The following ACOT9 variants were observed in gnomAD, a reference collection of about 807,000 sequenced individuals.
The protein encoded by ACOT9 is acyl-CoA thioesterase 9, also known as acyl-coenzyme A thioesterase 9, mitochondrial.
ACOT9 carries 34 observed loss-of-function variants against 39.7 expected under a neutral mutation model. The ratio of observed to expected loss-of-function variants is 0.86; its 90% CI spans 0.65 to 1.14. The LOEUF (loss-of-function observed/expected upper bound fraction) is 1.14, where lower values mean the gene tolerates loss of function less well. ACOT9 is among the 50% of genes most tolerant of loss of function. ACOT9 has a pLI of 0.00. For synonymous variants in ACOT9, 110 were observed against 120.5 expected, an observed-to-expected ratio of 0.91 and a Z score of 0.57; for missense variants, 313 against 344.1, an observed-to-expected ratio of 0.91 and a Z score of 0.71.
chrX:23,737,527 A>C (rs1929982460), intron 1 of ACOT9, among the ~76,000 whole-genome samples: 1 of 112,211 alleles, frequency 8.9e-6, no homozygotes, highest in Non-Finnish European at 1.9e-5. Flanking sequence ...AAAGCCTCTC[A>C]GTATTTACAG....
chrX:23,705,599 A>G lies in ACOT9; in HGVS notation c.934-5T>C. 1.7e-6 allele frequency: 2 copies of G among 1,203,923 alleles called. No homozygotes were observed. Among genetic ancestry groups the G allele is most frequent in the Non-Finnish European group, 2.2e-6 (2 of 889,717 alleles). On this transcript the variant is annotated splice_polypyrimidine_tract_variant and splice_region_variant and intron_variant, in intron 12 of 15. Coordinates refer to ENST00000379303, the MANE Select transcript of ACOT9 (RefSeq NM_001037171.2). ...CCGATTGAAAATGTTCCGCTCCTAC[A>G]GGACATAAATAAATATCAATAAATA... is the stretch of plus-strand genomic sequence containing the variant.
rs781162487 is a variant in ACOT9 at position 23,707,839 on chromosome X, C to G, written c.730+38G>C. 20 of 1,040,675 alleles carry G rather than the reference C, an allele frequency of 1.9e-5. No homozygotes were observed. In the South Asian group the frequency reaches 4.2e-4, roughly 22 times the overall value. The allele number at this position is 1,040,675 out of a possible 1,213,427, so 85.8% of individuals were successfully genotyped here. A position where few individuals can be genotyped will look rare whatever the true frequency, so the allele number is the denominator to read the frequency against. The stretch of plus-strand genomic sequence containing the variant: ...TCTCTTCTGCAGCGTAATTAATGTG[C>G]TTTTCAAATTTATTTTATTATAAAC... On this transcript the variant is annotated intron_variant, in intron 10 of 15. Coordinates refer to ENST00000379303, the MANE Select transcript of ACOT9 (RefSeq NM_001037171.2).
intron 6 of ACOT9, among the ~76,000 whole-genome samples, chrX:23,728,150 CAATATATTAGAACCCTTT>C (rs1929601070): frequency 9.0e-6 from 1 of 111,201 alleles, no homozygotes; most frequent in African/African-American, 3.3e-5. Flanking sequence ...GTTTTTTAAA[CAATATATTAGAACCCTTT>C]TTCAGACCCT....
chrX:23,730,672 G>T, intron 5 of ACOT9, 108 bp from the exon 6 acceptor site: 1 of 961,605 alleles, frequency 1.0e-6, no homozygotes, highest in Non-Finnish European at 1.5e-6. Flanking sequence ...TGACTGTGGT[G>T]ATGGATGCAC....
chrX:23,708,538 G>GAAAAA, intron 9 of ACOT9, among the ~76,000 whole-genome samples: 1 of 70,851 alleles, frequency 1.4e-5, no homozygotes, highest in Non-Finnish European at 2.5e-5. Flanking sequence ...CTCAAAAAAA[G>GAAAAA]AAAAAAAAAA....
chrX:23,708,699 T>G (rs1928793181), intron 9 of ACOT9, among the ~76,000 whole-genome samples: 1 of 111,846 alleles, frequency 8.9e-6, no homozygotes, highest in Non-Finnish European at 1.9e-5. Context: ...AAGATAGCTA[T>G]AAAGGACATT....
chrX:23,725,308 T>C lies in ACOT9; in HGVS notation c.401-2555A>G, dbSNP rs762253303. ...CAACATGGCAAAACCCCATCTCTAC[T>C]AAAGATACAAAAATTAGCTGGGCGT... On this transcript the variant is annotated intron_variant, in intron 6 of 15. Transcript: ENST00000379303. 2.8e-5 allele frequency among the ~76,000 whole-genome samples: 3 copies of C among 105,351 alleles called. No individual in the cohort carries two copies. In the South Asian group the frequency reaches 1.3e-3, roughly 46 times the overall value. The allele number at this position is 105,351 out of a possible 115,157, so 91.5% of individuals were successfully genotyped here.
Position 23,705,029 on chromosome X carries a change from A to G in ACOT9, c.1071T>C (p.Pro357=), listed in dbSNP as rs1382405248. The part of the protein sequence containing the change: ...VAVDDIMFQK[P]VEVGSLLFLS... ...GAAAGAGCAATGAGCCAACCTCAACAGGTTTCTGAAACATGATGTCATCTA... is the reference window on the plus strand; with the variant it reads ...GAAAGAGCAATGAGCCAACCTCAACGGGTTTCTGAAACATGATGTCATCTA... Residue 357 remains proline (P), a synonymous_variant, in exon 14 of 16, where the codon CCT becomes CCC. Transcript: ENST00000379303. The G allele has an allele frequency of 8.3e-7, 1 of 1,211,944 alleles. No homozygotes were observed.
intron 6 of ACOT9, 31 bp downstream of exon 6, chrX:23,730,496 T>A: frequency 8.9e-7 from 1 of 1,118,647 alleles, no homozygotes; most frequent in East Asian, 3.0e-5. Flanking sequence ...TCTGTAGGTA[T>A]CTATTAGAAA....
intron 7 of ACOT9, among the ~76,000 whole-genome samples, chrX:23,722,397 C>T (rs1477982077): frequency 9.0e-6 from 1 of 110,801 alleles, no homozygotes; most frequent in East Asian, 2.8e-4. Context: ...AATCCCATCT[C>T]TACTAAAAAT....
chrX:23,729,520 G>A (rs1223724382), intron 6 of ACOT9, among the ~76,000 whole-genome samples: 1 of 112,504 alleles, frequency 8.9e-6, no homozygotes, highest in African/African-American at 3.2e-5. Context: ...TGGTTGTTTT[G>A]TAGTTATGTA....
In ACOT9 at chrX:23,717,947, G is replaced by A. The variant is rs1370076694; in HGVS notation, c.588+3934C>T. Among the ~76,000 whole-genome samples, 7 of 110,533 alleles carry A rather than the reference G, an allele frequency of 6.3e-5. No individual in the cohort carries two copies. In the Admixed American group the frequency reaches 6.8e-4, roughly 11 times the overall value. On this transcript the variant is annotated intron_variant, in intron 8 of 15. Transcript: ENST00000379303. ...TATAAAAAATACAAAAACTAGCCAC[G>A]CATGGTGGTGTGCACTTGTAATCTC... is the stretch of plus-strand genomic sequence containing the variant.
intron 9 of ACOT9, among the ~76,000 whole-genome samples, chrX:23,710,906 C>G (rs1374748666): frequency 9.1e-6 from 1 of 110,414 alleles, no homozygotes; most frequent in Admixed American, 9.8e-5. Flanking sequence ...GAGGCTGAGG[C>G]GGAAGGATTG....
intron 6 of ACOT9, 139 bp downstream of exon 6, chrX:23,730,388 C>T (rs775261016): frequency 3.0e-4 from 148 of 489,108 alleles, no homozygotes; most frequent in Non-Finnish European, 4.3e-4. Context: ...CCACCACGCC[C>T]GGCCGATGTC....
intron 10 of ACOT9, 125 bp downstream of exon 10, chrX:23,707,750 CAA>C: frequency 2.2e-6 from 1 of 454,143 alleles, no homozygotes; most frequent in Non-Finnish European, 3.4e-6. Context: ...AAAAAACAAA[CAA>C]AAAAACAAAC....
intron 8 of ACOT9, among the ~76,000 whole-genome samples, chrX:23,715,982 T>C (rs1211603652): frequency 2.8e-4 from 31 of 112,070 alleles, no homozygotes; most frequent in Non-Finnish European, 3.8e-5. Flanking sequence ...GTGAGCTAGG[T>C]GACTCAAACC....
chrX:23,739,842 A>G (rs1388247070), intron 1 of ACOT9, among the ~76,000 whole-genome samples: 2 of 110,523 alleles, frequency 1.8e-5, no homozygotes, highest in Non-Finnish European at 3.8e-5. Context: ...ATCACGGACC[A>G]CTGCCAAACA....
chrX:23,703,972 C>A lies in ACOT9; in HGVS notation c.1269G>T (p.Leu423Phe), dbSNP rs1928572816. Residue 423 changes from leucine (L) to phenylalanine (F), a missense_variant, in exon 16 of 16, where the codon TTG becomes TTT. Transcript: ENST00000379303. Reference sequence around the variant, plus strand: ...TGAAATGCCGCTGCCCATCTAAGTACAACATGGACTCTGAAACACAAGAAA... The same window carrying A: ...TGAAATGCCGCTGCCCATCTAAGTAAAACATGGACTCTGAAACACAAGAAA... ...VFPKTYGESMLYLDGQRHFNS... is the reference protein window; with the variant it reads ...VFPKTYGESMFYLDGQRHFNS... 8.3e-7 allele frequency: 1 copy of A among 1,208,433 alleles called. No individual in the cohort carries two copies. The highest frequency in any genetic ancestry group is 1.1e-6 in the Non-Finnish European group (1 of 892,924).
chrX:23,719,633 A>C (rs762146806), intron 8 of ACOT9, among the ~76,000 whole-genome samples: 120 of 110,731 alleles, frequency 1.1e-3, no homozygotes, highest in African/African-American at 3.7e-3. Flanking sequence ...GATTCTCCTA[A>C]GGAGTGTGCA....
Sources: allele counts gnomAD v4.1 joint callset (sites outside exome capture counted in the v4.1 genomes callset), GRCh38; gene constraint gnomAD v4.1.1; transcripts MANE v1.5; gene names NCBI Gene and HGNC (gene_info 2026-07-23, HGNC 2026-07-21).